DNAH6: variants seen among roughly 807,000 people sequenced by gnomAD.
DNAH6 encodes the protein dynein axonemal heavy chain 6.
A neutral mutation model predicts 491.4 loss-of-function variants in DNAH6; 340 were observed. The observed-to-expected ratio is 0.69, with a 90% CI of 0.63 to 0.76. The LOEUF (loss-of-function observed/expected upper bound fraction) is 0.76. Among genes scored for constraint, DNAH6 ranks in the 30% least tolerant of loss-of-function variants. DNAH6 has a pLI of 0.00. For missense variants in DNAH6, 4,443 were observed against 4,972.2 expected (o/e 0.89, Z 3.20); for synonymous variants, 1,603 against 1,686.1 (o/e 0.95, Z 1.21).
chr2:84,568,494 A>T (rs1333412927), intron 11 of DNAH6, among the ~76,000 whole-genome samples: 1 of 152,190 alleles, frequency 6.6e-6, no homozygotes, highest in Non-Finnish European at 1.5e-5. Context: ...ATTCTCACTT[A>T]TAAGTAGAAG....
chr2:84,815,900 T>A lies in DNAH6; in HGVS notation c.12190T>A (p.Phe4064Ile). The stretch of plus-strand genomic sequence containing the variant: ...GGATGGTGTTCTTGTTCATGGGATG[T>A]TCATGGATGCTTCTCGATGGGATGA... ...PEDGVLVHGM[F>I]MDASRWDDKE... is the part of the protein sequence containing the mutation. The change falls in exon 76 of 77, where the codon TTC (phenylalanine) becomes ATC (isoleucine). Residue 4064 changes from phenylalanine (F) to isoleucine (I), a missense_variant. Physicochemically the swap from Phe to Ile is conservative, Grantham distance 21. Around this residue, in one of 3 missense-constraint regions of DNAH6, gnomAD observed 1,463 missense variants for 1,656.6 expected, o/e 0.88. Coordinates refer to ENST00000389394, the MANE Select transcript of DNAH6 (RefSeq NM_001370.2). 6.4e-7 allele frequency: 1 copy of A among 1,551,764 alleles called. No homozygotes were observed. The highest frequency in any genetic ancestry group is 8.7e-7 in the Non-Finnish European group (1 of 1,146,996).
intron 39 of DNAH6, among the ~76,000 whole-genome samples, chr2:84,671,015 T>C (rs180890340): frequency 6.6e-6 from 1 of 152,214 alleles, no homozygotes; most frequent in Admixed American, 6.5e-5. Flanking sequence ...CTCTCATCTG[T>C]CCTAAGCCAG....
chr2:84,786,452 A>T (rs1042001967), intron 67 of DNAH6, among the ~76,000 whole-genome samples: 8 of 150,298 alleles, frequency 5.3e-5, no homozygotes, highest in Non-Finnish European at 1.0e-4. Context: ...AAAAGAAAAG[A>T]TGCCAGATAT....
At chr2:84,602,997 C>T (rs1284453850) in intron 18 of DNAH6, among the ~76,000 whole-genome samples, 2 of 151,810 alleles carry the variant, frequency 1.3e-5, no homozygotes, top group East Asian at 3.9e-4. Context: ...TTGACATTTC[C>T]CAACTGATTT....
In DNAH6 at chr2:84,669,710, G is replaced by C. The variant is rs184270679; in HGVS notation, c.6306+200G>C. Among the ~76,000 whole-genome samples, 1,049 of 152,294 alleles carry C rather than the reference G, an allele frequency of 6.9e-3. 12 individuals carry two copies. Among genetic ancestry groups the C allele is most frequent in the Admixed American group, 0.016 (244 of 15,298 alleles). On this transcript the variant is annotated intron_variant, in intron 38 of 76. Coordinates refer to ENST00000389394, the MANE Select transcript of DNAH6 (RefSeq NM_001370.2). The stretch of plus-strand genomic sequence containing the variant: ...TTTGCCAGTTTCTGAACACATTCTT[G>C]GAGTTGATACTATATGAATTAGAGG...
At chr2:84,773,372 A>T (rs1049301987) in intron 64 of DNAH6, among the ~76,000 whole-genome samples, 1 of 152,050 alleles carries the variant, frequency 6.6e-6, no homozygotes, top group Non-Finnish European at 1.5e-5. Flanking sequence ...AGCTGCATCC[A>T]TGTTGCTGCA....
chr2:84,672,545 T>G, intron 40 of DNAH6, 61 bp downstream of exon 40: 1 of 1,458,418 alleles, frequency 6.9e-7, no homozygotes, highest in Non-Finnish European at 9.3e-7. Flanking sequence ...AAATATGATG[T>G]ATAGTTTGTG....
the DNAH6 span, among the ~76,000 whole-genome samples, chr2:84,499,185 A>C: frequency 6.6e-6 from 1 of 151,408 alleles, no homozygotes; most frequent in African/African-American, 2.4e-5. Context: ...ACCTCCCCAC[A>C]AACCCCCCAC....
At chr2:84,787,942 G>C (rs1677364669) in intron 68 of DNAH6, among the ~76,000 whole-genome samples, 1 of 152,282 alleles carries the variant, frequency 6.6e-6, no homozygotes, top group South Asian at 2.1e-4. Context: ...GGAAGTGGGG[G>C]AAGGAGGAGC....
At chr2:84,471,966 T>C in the DNAH6 span, among the ~76,000 whole-genome samples, 1 of 152,120 alleles carries the variant, frequency 6.6e-6, no homozygotes, top group Non-Finnish European at 1.5e-5. Flanking sequence ...AGGCACCTCA[T>C]GGTCACCTGG....
chr2:84,610,505 T>C, intron 21 of DNAH6, among the ~76,000 whole-genome samples: 1 of 152,082 alleles, frequency 6.6e-6, no homozygotes, highest in East Asian at 1.9e-4. Flanking sequence ...TTGCTTGAAG[T>C]CTCCTTGGAA....
chr2:84,635,162 T>C (rs1688754929), intron 30 of DNAH6, among the ~76,000 whole-genome samples: 1 of 152,180 alleles, frequency 6.6e-6, no homozygotes, highest in Non-Finnish European at 1.5e-5. Flanking sequence ...GCAGAGGCTA[T>C]CTCATTGGAA....
chr2:84,476,943 T>G, the DNAH6 span, among the ~76,000 whole-genome samples: 2 of 152,244 alleles, frequency 1.3e-5, no homozygotes, highest in African/African-American at 2.4e-5. Context: ...TTAAATGTCC[T>G]CAGGTGTCCT....
chr2:84,755,352 G>C (rs1424890013), intron 63 of DNAH6, among the ~76,000 whole-genome samples: 1 of 152,002 alleles, frequency 6.6e-6, no homozygotes, highest in Non-Finnish European at 1.5e-5. Context: ...TCATGCTCTT[G>C]GACTTCAGCC....
chr2:84,650,882 G>A (rs938905121), intron 33 of DNAH6, among the ~76,000 whole-genome samples: 1 of 152,122 alleles, frequency 6.6e-6, no homozygotes, highest in African/African-American at 2.4e-5. Context: ...TATGTTATGA[G>A]ACTCTAGATC....
chr2:84,522,314 A>G (rs1041323424), intron 2 of DNAH6, among the ~76,000 whole-genome samples: 12 of 152,100 alleles, frequency 7.9e-5, no homozygotes, highest in Non-Finnish European at 1.5e-4. Context: ...TAATTTTGGT[A>G]CATTAATTTT....
At chr2:84,555,766 AT>A (rs1264887920) in intron 10 of DNAH6, among the ~76,000 whole-genome samples, 1 of 152,086 alleles carries the variant, frequency 6.6e-6, no homozygotes, top group Non-Finnish European at 1.5e-5. Flanking sequence ...CAAGACAGCA[AT>A]CTGAGAGTTC....
intron 9 of DNAH6, 46 bp downstream of exon 9, chr2:84,550,103 TGAG>T: frequency 6.8e-7 from 1 of 1,479,934 alleles, no homozygotes; most frequent in Non-Finnish European, 9.4e-7. Context: ...CAGCATTTAT[TGAG>T]GAGTGCAAAC....
rs1284374854 is a variant in DNAH6 at position 84,745,556 on chromosome 2, C to CA, written c.10512+308dup. 5.3e-5 allele frequency among the ~76,000 whole-genome samples: 8 copies of CA among 150,872 alleles called. No individual in the cohort carries two copies. In the Admixed American group the frequency reaches 5.3e-4, roughly 10 times the overall value. On this transcript the variant is annotated intron_variant, in intron 63 of 76. Coordinates refer to ENST00000389394, the MANE Select transcript of DNAH6 (RefSeq NM_001370.2). The stretch of plus-strand genomic sequence containing the variant: ...TGGCAGGCGCCTGTAGTCCCAGCTA[C>CA]ATGGGAGGCTAAGGCAGGAGAATGG...
Sources: gnomAD v4.1 joint callset for allele counts (sites outside exome capture counted in the v4.1 genomes callset) on GRCh38, gnomAD v4.1.1 for gene constraint, gnomAD v4.1.1 regional missense constraint, MANE v1.5 for transcripts, NCBI Gene and HGNC (gene_info 2026-07-23, HGNC 2026-07-21) for gene names.